Variants in SNRNP200 observed in about 807,000 individuals in gnomAD.
SNRNP200 encodes small nuclear ribonucleoprotein U5 subunit 200, also known as U5 small nuclear ribonucleoprotein 200 kDa helicase.
SNRNP200 carries 66 observed loss-of-function variants against 255.2 expected under a neutral mutation model. The ratio of observed to expected loss-of-function variants is 0.26; its 90% CI spans 0.21 to 0.32. The LOEUF (loss-of-function observed/expected upper bound fraction) is 0.32, where lower values mean the gene tolerates loss of function less well. SNRNP200 is among the 10% of genes least tolerant of loss of function. The pLI, the probability that SNRNP200 is intolerant of heterozygous loss-of-function variation, is 1.00. For missense variants in SNRNP200, 1,585 were observed against 2,749.8 expected (o/e 0.58, Z 9.47); for synonymous variants, 939 against 1,027.8 (o/e 0.91, Z 1.65).
Position 96,287,337 on chromosome 2 carries a change from A to G in SNRNP200, c.3484+102T>C. The G allele has an allele frequency of 8.5e-7, 1 of 1,171,070 alleles. No individual in the cohort carries two copies. Among genetic ancestry groups the G allele is most frequent in the South Asian group, 1.2e-5 (1 of 81,466 alleles). The allele number at this position is 1,171,070 out of a possible 1,614,324, so 72.5% of individuals were successfully genotyped here. On this transcript the variant is annotated intron_variant, in intron 26 of 44. Transcript: ENST00000323853. This position sits in a 1 kb window ranked among gnomAD's most constrained non-coding sequence, Gnocchi z 5.7. Reference sequence around the variant, plus strand: ...TACTTCAGTGGGACTTGGGGAGTGAACACAGGATACTAATGCACAGGCCTA... The same window carrying G: ...TACTTCAGTGGGACTTGGGGAGTGAGCACAGGATACTAATGCACAGGCCTA...
At chr2:96,282,911 A>T in intron 34 of SNRNP200, 1 of 509,168 alleles carries the variant, frequency 2.0e-6, no homozygotes, top group South Asian at 2.1e-5. Context: ...ATCCACGGAG[A>T]ATCAGCGGTC....
chr2:96,278,495 A>T lies in SNRNP200; in HGVS notation c.5488+52T>A, dbSNP rs1283878302. 6.2e-7 allele frequency: 1 copy of T among 1,611,428 alleles called. No individual in the cohort carries two copies. The highest frequency in any genetic ancestry group is 8.5e-7 in the Non-Finnish European group (1 of 1,179,648). On this transcript the variant is annotated intron_variant, in intron 38 of 44. Transcript: ENST00000323853. The surrounding 1 kb of genome is among the most constrained non-coding windows in gnomAD (Gnocchi z 6.9). Reference sequence around the variant, plus strand: ...CACCTCTCATCCCAGTGGGCTCCTGACCCGTGTAAAAAGGCTCCCACAGAC... The same window carrying T: ...CACCTCTCATCCCAGTGGGCTCCTGTCCCGTGTAAAAAGGCTCCCACAGAC...
At position 96,290,198 on chromosome 2, in the gene SNRNP200, C is replaced by A; in HGVS notation, c.2742+128G>T. The A allele has an allele frequency of 8.8e-7, 1 of 1,141,810 alleles. No individual in the cohort carries two copies. The highest frequency in any genetic ancestry group is 1.3e-6 in the Non-Finnish European group (1 of 752,032). 70.7% of individuals were successfully genotyped at this position (1,141,810 alleles called of 1,614,324 possible). Reference sequence around the variant, plus strand: ...AACAAGGGGAACTATCTGCCAGACCCAAGATGTGGGTGCAGGGATGGAAGG... The same window carrying A: ...AACAAGGGGAACTATCTGCCAGACCAAAGATGTGGGTGCAGGGATGGAAGG... On this transcript the variant is annotated intron_variant, in intron 20 of 44. Coordinates refer to ENST00000323853, the MANE Select transcript of SNRNP200 (RefSeq NM_014014.5). This position sits in a 1 kb window ranked among gnomAD's most constrained non-coding sequence, Gnocchi z 4.5.
In SNRNP200 at chr2:96,290,916, C is replaced by T. The variant is rs1573996015; in HGVS notation, c.2422-101G>A. On this transcript the variant is annotated intron_variant, in intron 18 of 44. Coordinates refer to ENST00000323853, the MANE Select transcript of SNRNP200 (RefSeq NM_014014.5). The surrounding 1 kb of genome is among the most constrained non-coding windows in gnomAD (Gnocchi z 4.5). ...GTTGGCCTCAGAGCTTCTCTCAGGA[C>T]TAGCCGGTAGGGCGCGTGGGGTCCC... 6.7e-6 allele frequency: 10 copies of T among 1,485,992 alleles called. No individual in the cohort carries two copies. The East Asian group carries it at 1.8e-4, about 27-fold the overall frequency. 92.1% of individuals were successfully genotyped at this position (1,485,992 alleles called of 1,614,324 possible).
rs369206538 is a variant in SNRNP200 at position 96,279,569 on chromosome 2, G to A, written c.5025-10C>T. 1.3e-5 allele frequency: 21 copies of A among 1,594,206 alleles called. No individual in the cohort carries two copies. The South Asian group carries it at 1.4e-4, about 11-fold the overall frequency. ...GGGGTAATCCACATAGCTGGTGACAGAAGCAGGGAAAGAAGGAAAAGCCAC... is the reference window on the plus strand; with the variant it reads ...GGGGTAATCCACATAGCTGGTGACAAAAGCAGGGAAAGAAGGAAAAGCCAC... On this transcript the variant is annotated splice_polypyrimidine_tract_variant and intron_variant, in intron 35 of 44. Transcript: ENST00000323853.
At position 96,284,018 on chromosome 2, in the gene SNRNP200, G is replaced by T; in HGVS notation, c.4393-14C>A. 4.5e-6 allele frequency: 7 copies of T among 1,559,322 alleles called. No individual in the cohort carries two copies. Among genetic ancestry groups the T allele is most frequent in the South Asian group, 2.3e-5 (2 of 85,252 alleles). Reference sequence around the variant, plus strand: ...TTCTAAGACAGGCTGGAAAGAGGGAGGGAGGGAGGGTCACTGCAGGCCAAG... The same window carrying T: ...TTCTAAGACAGGCTGGAAAGAGGGATGGAGGGAGGGTCACTGCAGGCCAAG... On this transcript the variant is annotated splice_polypyrimidine_tract_variant and intron_variant, in intron 31 of 44. Coordinates refer to ENST00000323853, the MANE Select transcript of SNRNP200 (RefSeq NM_014014.5).
chr2:96,283,482 A>T lies in SNRNP200; in HGVS notation c.4763+53T>A. The T allele has an allele frequency of 6.2e-7, 1 of 1,613,286 alleles. No homozygotes were observed. The highest frequency in any genetic ancestry group is 8.5e-7 in the Non-Finnish European group (1 of 1,179,410). On this transcript the variant is annotated intron_variant, in intron 33 of 44. Transcript: ENST00000323853. This position sits in a 1 kb window ranked among gnomAD's most constrained non-coding sequence, Gnocchi z 4.7. ...CTCATAAAGAGGACACCCTTGGAGT[A>T]GGCCAGCCTCACTTAACCTAACCCC...
chr2:96,303,363 GAACCT>G (rs1345333662), intron 2 of SNRNP200, 33 bp from the exon 3 acceptor site: 1 of 1,613,238 alleles, frequency 6.2e-7, no homozygotes, highest in South Asian at 1.1e-5. Context: ...TTGAATGGCA[GAACCT>G]TTCGTCCCCA....
At chr2:96,303,465 A>C in intron 2 of SNRNP200, 135 bp from the exon 3 acceptor site, 2 of 1,077,136 alleles carry the variant, frequency 1.9e-6, no homozygotes, top group Non-Finnish European at 2.8e-6. Flanking sequence ...AGCCTCAGCA[A>C]ATGATTCCGT....
rs1342165816 is a variant in SNRNP200 at position 96,289,356 on chromosome 2, G to A, written c.2964C>T (p.Ala988=). ...TATCATTGGTGATGTAGTAGTGGCT[G>A]GCTATACGGCCCAGTTCTGTCACCT... is the stretch of plus-strand genomic sequence containing the variant. The part of the protein sequence containing the change: ...NFQVTELGRI[A]SHYYITNDTV... Residue 988 remains alanine (A), a synonymous_variant, in exon 22 of 45, where the codon GCC becomes GCT. Coordinates refer to ENST00000323853, the MANE Select transcript of SNRNP200 (RefSeq NM_014014.5). 27 of 1,613,998 alleles carry A rather than the reference G, an allele frequency of 1.7e-5. No homozygotes were observed. Among genetic ancestry groups the A allele is most frequent in the Non-Finnish European group, 2.3e-5 (27 of 1,179,990 alleles).
chr2:96,297,816 G>A (rs1369166192), intron 9 of SNRNP200, 96 bp from the exon 10 acceptor site: 1 of 1,285,962 alleles, frequency 7.8e-7, no homozygotes, highest in East Asian at 2.4e-5. Context: ...TTGAGTCACA[G>A]GTGCTGACTA....
chr2:96,283,687 G>A lies in SNRNP200; in HGVS notation c.4611C>T (p.Thr1537=), dbSNP rs902001031. Residue 1537 remains threonine, a synonymous_variant, in exon 33 of 45, where the codon ACC becomes ACT. Coordinates refer to ENST00000323853, the MANE Select transcript of SNRNP200 (RefSeq NM_014014.5). This position sits in a 1 kb window ranked among gnomAD's most constrained non-coding sequence, Gnocchi z 4.7. ...IQGFNISHTQ[T]RLLSMAKPVY... is the part of the protein sequence containing the mutation. ...CAGGCTTGGCCATGGAGAGCAGGCGGGTTTGTGTATGGCTGATGTTGAAGC... is the reference window on the plus strand; with the variant it reads ...CAGGCTTGGCCATGGAGAGCAGGCGAGTTTGTGTATGGCTGATGTTGAAGC... 1.2e-6 allele frequency: 2 copies of A among 1,613,998 alleles called. No individual in the cohort carries two copies. The highest frequency in any genetic ancestry group is 1.7e-5 in the Admixed American group (1 of 60,002).
At chr2:96,298,249 C>G (rs772370536) in intron 9 of SNRNP200, 35 bp downstream of exon 9, 1 of 1,614,108 alleles carries the variant, frequency 6.2e-7, no homozygotes, top group Non-Finnish European at 8.5e-7. Flanking sequence ...ACCGTTAGCT[C>G]AGAAATCAGA....
chr2:96,283,791 G>C lies in SNRNP200; in HGVS notation c.4584+22C>G, dbSNP rs764385853. ...AGGATCTATGTGACACCCCACAGAC[G>C]GATGAGGAGAGTGGGTCCTACCTGG... On this transcript the variant is annotated intron_variant, in intron 32 of 44. Coordinates refer to ENST00000323853, the MANE Select transcript of SNRNP200 (RefSeq NM_014014.5). The surrounding 1 kb of genome is among the most constrained non-coding windows in gnomAD (Gnocchi z 4.7). The C allele has an allele frequency of 1.9e-6, 3 of 1,613,766 alleles. No individual in the cohort carries two copies. The South Asian group carries it at 3.3e-5, about 18-fold the overall frequency.
At chr2:96,298,249 C>T in intron 9 of SNRNP200, 35 bp downstream of exon 9, 1 of 1,614,108 alleles carries the variant, frequency 6.2e-7, no homozygotes. Flanking sequence ...ACCGTTAGCT[C>T]AGAAATCAGA....
At chr2:96,301,375 G>A (rs2063951172) in intron 4 of SNRNP200, 149 bp downstream of exon 4, 1 of 866,446 alleles carries the variant, frequency 1.2e-6, no homozygotes, top group African/African-American at 1.7e-5. Flanking sequence ...GGATTCTGGT[G>A]TCCATCAATT....
Position 96,277,987 on chromosome 2 carries a change from G to T in SNRNP200, c.5611-37C>A. ...AAGAAAAATAGCTGGTGATGAACAG[G>T]TGACCCTGCCTGAGACCAGCTCAGG... On this transcript the variant is annotated intron_variant, in intron 39 of 44. Coordinates refer to ENST00000323853, the MANE Select transcript of SNRNP200 (RefSeq NM_014014.5). The surrounding 1 kb of genome is among the most constrained non-coding windows in gnomAD (Gnocchi z 4.4). The T allele has an allele frequency of 1.2e-6, 2 of 1,614,152 alleles. No individual in the cohort carries two copies. The highest frequency in any genetic ancestry group is 1.7e-6 in the Non-Finnish European group (2 of 1,180,020).
rs201063937 is a variant in SNRNP200, at chr2:96,298,970, A to G, written c.730-3T>C. ...ATCAGTTCACCTGAGGCTACGAGCT[A>G]TAAAAGTAACCAGGCATTTAGCTCA... On this transcript the variant is annotated splice_region_variant and splice_polypyrimidine_tract_variant and intron_variant, in intron 6 of 44. Coordinates refer to ENST00000323853, the MANE Select transcript of SNRNP200 (RefSeq NM_014014.5). 4.1e-5 allele frequency: 66 copies of G among 1,614,048 alleles called. No homozygotes were observed. The African/African-American group carries it at 7.1e-4, about 17-fold the overall frequency.
chr2:96,274,802 T>C lies in SNRNP200; in HGVS notation c.*210A>G, dbSNP rs947792135. 5 of 612,294 alleles carry C rather than the reference T, an allele frequency of 8.2e-6. No individual in the cohort carries two copies. In the East Asian group the frequency reaches 1.4e-4, roughly 17 times the overall value. The allele number at this position is 612,294 out of a possible 1,614,324, so 37.9% of individuals were successfully genotyped here. A position where few individuals can be genotyped will look rare whatever the true frequency, so the allele number is the denominator to read the frequency against. ...ACCAGGAACATGCCTGAAAATGCTATATATGATTTATGCTTGACCCATGAC... is the reference window on the plus strand; with the variant it reads ...ACCAGGAACATGCCTGAAAATGCTACATATGATTTATGCTTGACCCATGAC... On this transcript the variant is annotated 3_prime_UTR_variant, in exon 45 of 45. Coordinates refer to ENST00000323853, the MANE Select transcript of SNRNP200 (RefSeq NM_014014.5).
Sources: allele counts gnomAD v4.1 joint callset, GRCh38; gene constraint gnomAD v4.1.1; non-coding constraint Gnocchi (gnomAD v3.1); transcripts MANE v1.5; gene names NCBI Gene and HGNC (gene_info 2026-07-23, HGNC 2026-07-21).